NAV1: variants seen among roughly 807,000 people sequenced by gnomAD.
The protein encoded by NAV1 is neuron navigator 1.
A neutral mutation model predicts 175.2 loss-of-function variants in NAV1; 18 were observed. The observed-to-expected ratio is 0.10, with a 90% CI of 0.07 to 0.15. The LOEUF is 0.15. NAV1 is among the 10% of genes least tolerant of loss of function. The pLI, the probability that NAV1 is intolerant of heterozygous loss-of-function variation, is 1.00. For synonymous variants in NAV1, 897 were observed against 978.7 expected (o/e 0.92, Z 1.56); for missense variants, 1,731 against 2,436.6 (o/e 0.71, Z 6.10).
intron 11 of NAV1, among the ~76,000 whole-genome samples, chr1:201,790,087 C>T (rs1677013607): frequency 6.6e-6 from 1 of 152,172 alleles, no homozygotes; most frequent in Non-Finnish European, 1.5e-5. Context: ...CTTTCTGTGC[C>T]ATGGTAGATG....
At chr1:201,725,131 A>G (rs1571908656) in intron 3 of NAV1, among the ~76,000 whole-genome samples, 1 of 151,956 alleles carries the variant, frequency 6.6e-6, no homozygotes, top group Non-Finnish European at 1.5e-5. Flanking sequence ...AAGATACCCA[A>G]CCCAGCCACC....
chr1:201,812,673 C>T lies in NAV1; in HGVS notation c.5221+12C>T, dbSNP rs1364105188. On this transcript the variant is annotated intron_variant, in intron 27 of 29. Transcript: ENST00000367296. The surrounding 1 kb of genome is among the most constrained non-coding windows in gnomAD (Gnocchi z 4.6). Reference sequence around the variant, plus strand: ...AGACTTCCTCATCGGTACTGGGGTCCAGCTTCCCCCGGGGGTCAGGAGGTG... The same window carrying T: ...AGACTTCCTCATCGGTACTGGGGTCTAGCTTCCCCCGGGGGTCAGGAGGTG... The T allele has an allele frequency of 6.2e-7, 1 of 1,610,190 alleles. No homozygotes were observed. The highest frequency in any genetic ancestry group is 1.1e-5 in the South Asian group (1 of 90,960).
At chr1:201,563,258 A>G (rs1179522962) in intron 1 of NAV1, among the ~76,000 whole-genome samples, 1 of 152,186 alleles carries the variant, frequency 6.6e-6, no homozygotes, top group Admixed American at 6.5e-5. Flanking sequence ...CTCAGGAAAC[A>G]GCCCCTCGAA....
At chr1:201,567,002 A>G (rs1200848309) in intron 1 of NAV1, among the ~76,000 whole-genome samples, 1 of 152,052 alleles carries the variant, frequency 6.6e-6, no homozygotes, top group Non-Finnish European at 1.5e-5. Context: ...ATAATCCCCA[A>G]ACCACAGGGT....
chr1:201,691,205 C>A (rs1240332553), intron 1 of NAV1, among the ~76,000 whole-genome samples: 1 of 152,194 alleles, frequency 6.6e-6, no homozygotes, highest in Middle Eastern at 3.2e-3. Context: ...AACACCCCCT[C>A]CCAAGTCATG....
At chr1:201,631,638 C>G (rs569460075) in intron 2 of NAV1, among the ~76,000 whole-genome samples, 1 of 152,376 alleles carries the variant, frequency 6.6e-6, no homozygotes, top group Non-Finnish European at 1.5e-5. Context: ...GACAAGGCAG[C>G]CAGTCAGTCC....
chr1:201,738,020 A>G (rs1237410708), intron 3 of NAV1, among the ~76,000 whole-genome samples: 1 of 152,124 alleles, frequency 6.6e-6, no homozygotes, highest in African/African-American at 2.4e-5. Context: ...GGCTCAGGAC[A>G]TTACCAGAAC....
chr1:201,814,211 A>T (rs1196150692), intron 28 of NAV1, among the ~76,000 whole-genome samples: 2 of 152,048 alleles, frequency 1.3e-5, no homozygotes, highest in Non-Finnish European at 2.9e-5. Flanking sequence ...TATACAAAAA[A>T]TAAAAAAAAT....
chr1:201,648,373 G>A (rs1669050887), exon 1 of NAV1: 3 of 1,226,144 alleles, frequency 2.4e-6, no homozygotes, highest in Non-Finnish European at 3.0e-6. Flanking sequence ...ATTTTAATTT[G>A]TATTTTCCCC....
chr1:201,790,525 T>C, intron 11 of NAV1, 29 bp from the exon 16 acceptor site: 1 of 1,613,706 alleles, frequency 6.2e-7, no homozygotes, highest in African/African-American at 1.3e-5. Context: ...TTTCTCTCTC[T>C]TTCTCTCCTT....
exon 1 of NAV1, chr1:201,648,653 G>A: frequency 8.7e-6 from 12 of 1,371,702 alleles, no homozygotes; most frequent in Admixed American, 3.3e-5. Context: ...TCGTCCATGC[G>A]CTCCTCGCGG....
At chr1:201,644,346 A>T (rs773493898), upstream of NAV1, among the ~76,000 whole-genome samples, 56 of 152,344 alleles carry the variant, frequency 3.7e-4, no homozygotes, top group Non-Finnish European at 4.4e-5. Flanking sequence ...ACCATTCTGC[A>T]CATACTGGTT....
At chr1:201,542,812 G>A (rs1055978265) in intron 1 of NAV1, among the ~76,000 whole-genome samples, 11 of 152,208 alleles carry the variant, frequency 7.2e-5, no homozygotes, top group Non-Finnish European at 1.5e-4. Context: ...GCCAAGGACC[G>A]TTACTAACAA....
chr1:201,730,996 C>T (rs1000739542), intron 3 of NAV1, among the ~76,000 whole-genome samples: 4 of 151,998 alleles, frequency 2.6e-5, no homozygotes, highest in South Asian at 2.1e-4. Flanking sequence ...ATCAGTGTGA[C>T]GATGGAACAA....
Position 201,539,766 on chromosome 1 carries a change from C to CT in NAV1, c.-144+427dup, listed in dbSNP as rs1258725875. Among the ~76,000 whole-genome samples the CT allele has an allele frequency of 3.3e-5, 5 of 152,234 alleles. No individual in the cohort carries two copies. Among genetic ancestry groups the CT allele is most frequent in the African/African-American group, 1.2e-4 (5 of 41,464 alleles). ...GCACACACCCTACCCGCACCTCTGCCTTTCGTTGAAGCAAGAGTTAACTCC... is the reference window on the plus strand; with the variant it reads ...GCACACACCCTACCCGCACCTCTGCCTTTTCGTTGAAGCAAGAGTTAACTCC... On this transcript the variant is annotated intron_variant, in intron 1 of 33. Transcript: ENST00000685211. The surrounding 1 kb of genome is among the most constrained non-coding windows in gnomAD (Gnocchi z 5.6).
intron 1 of NAV1, among the ~76,000 whole-genome samples, chr1:201,549,281 C>T (rs922003788): frequency 2.0e-5 from 3 of 151,902 alleles, no homozygotes; most frequent in Non-Finnish European, 4.4e-5. Context: ...AATCACAGCA[C>T]ATTGCAGCCT....
chr1:201,658,026 C>A (rs762570486), intron 1 of NAV1, among the ~76,000 whole-genome samples: 3 of 152,088 alleles, frequency 2.0e-5, no homozygotes, highest in African/African-American at 4.8e-5. Context: ...GATCAAGACC[C>A]TGTGTGAATA....
At chr1:201,683,364 A>G (rs1670541980) in intron 1 of NAV1, among the ~76,000 whole-genome samples, 1 of 152,126 alleles carries the variant, frequency 6.6e-6, no homozygotes, top group Admixed American at 6.5e-5. Context: ...GTTTCATGGA[A>G]TACAATTTTT....
exon 30 of NAV1, chr1:201,819,879 G>A: frequency 6.2e-7 from 1 of 1,614,084 alleles, no homozygotes. Flanking sequence ...CAACTACATT[G>A]AGTCTCCAGA....
Sources: gnomAD v4.1 joint callset for allele counts (sites outside exome capture counted in the v4.1 genomes callset) on GRCh38, gnomAD v4.1.1 for gene constraint, Gnocchi (gnomAD v3.1) non-coding constraint, MANE v1.5 for transcripts, NCBI Gene and HGNC (gene_info 2026-07-23, HGNC 2026-07-21) for gene names.